Variants in TTC34 observed in about 807,000 individuals in gnomAD.
TTC34 encodes tetratricopeptide repeat domain 34, also known as tetratricopeptide repeat protein 34.
TTC34 carries 44 observed loss-of-function variants against 40.7 expected under a neutral mutation model. The ratio of observed to expected loss-of-function variants is 1.08; its 90% CI spans 0.85 to 1.39. TTC34 has a LOEUF of 1.39. Among genes scored for constraint, TTC34 ranks in the 40% most tolerant of loss-of-function variants. The pLI, the probability that TTC34 is intolerant of heterozygous loss-of-function variation, is 0.00. For synonymous variants in TTC34, 422 were observed against 398.6 expected (o/e 1.06, Z -0.70); for missense variants, 884 against 838.0 (o/e 1.05, Z -0.68).
chr1:2,684,912 C>A (rs1224155612), intron 6 of TTC34, among the ~76,000 whole-genome samples: 2 of 125,364 alleles, frequency 1.6e-5, no homozygotes, highest in Non-Finnish European at 3.3e-5. Flanking sequence ...GAACAGCACC[C>A]TGCACACCCA....
At chr1:2,749,088 G>T (rs1641235655) in intron 6 of TTC34, among the ~76,000 whole-genome samples, 1 of 147,074 alleles carries the variant, frequency 6.8e-6, no homozygotes, top group African/African-American at 2.5e-5. Context: ...ACAACCCCAG[G>T]CGAGCATCCG....
At chr1:2,789,926 C>T (rs1449738529) in exon 3 of TTC34, 2 of 394,672 alleles carry the variant, frequency 5.1e-6, no homozygotes, top group Non-Finnish European at 8.9e-6. Flanking sequence ...GTCCTCAGGG[C>T]GTGCGGGCCG....
chr1:2,759,577 C>A (rs1641623457), intron 6 of TTC34, among the ~76,000 whole-genome samples: 4 of 151,954 alleles, frequency 2.6e-5, no homozygotes, highest in African/African-American at 7.3e-5. Flanking sequence ...GAGCATCGGA[C>A]AGCCTGGAAC....
rs1374306897 is a variant in TTC34, at chr1:2,746,355, C to T, written c.2226+37254G>A. Among the ~76,000 whole-genome samples, 8 of 44,504 alleles carry T rather than the reference C, an allele frequency of 1.8e-4. No individual in the cohort carries two copies. In the East Asian group the frequency reaches 4.5e-3, roughly 25 times the overall value. The allele number at this position is 44,504 out of a possible 152,430, so 29.2% of individuals were successfully genotyped here. On this transcript the variant is annotated intron_variant, in intron 6 of 8. Transcript: ENST00000401095. ...CCCACGGAGCAGCACCCACACCTTC[C>T]GGCGAGCATCCGACAGCCTGGAGCA...
intron 6 of TTC34, among the ~76,000 whole-genome samples, chr1:2,751,253 G>GT (rs2100430647): frequency 2.3e-5 from 1 of 43,566 alleles, no homozygotes; most frequent in African/African-American, 9.7e-5. Flanking sequence ...CACACCCCCA[G>GT]TGAGCATCCG....
chr1:2,750,396 C>A (rs1401192276), intron 6 of TTC34, among the ~76,000 whole-genome samples: 11 of 94,098 alleles, frequency 1.2e-4, no homozygotes, highest in East Asian at 4.6e-4. Flanking sequence ...CCTGGAACAG[C>A]ACGCACACCC....
At chr1:2,686,836 C>T (rs1640380478) in intron 6 of TTC34, among the ~76,000 whole-genome samples, 2 of 8,710 alleles carry the variant, frequency 2.3e-4, no homozygotes, top group Non-Finnish European at 2.0e-4. Context: ...TGGAGCAGCA[C>T]CCCACACCCC....
intron 2 of TTC34, among the ~76,000 whole-genome samples, chr1:2,798,467 C>G (rs1181879950): frequency 9.0e-6 from 1 of 111,340 alleles, no homozygotes; most frequent in Non-Finnish European, 1.9e-5. Context: ...CCCAGCCTCC[C>G]AGCCTCTCAG....
intron 2 of TTC34, among the ~76,000 whole-genome samples, chr1:2,790,553 G>A (rs976843603): frequency 3.3e-5 from 5 of 152,200 alleles, no homozygotes; most frequent in Admixed American, 6.5e-5. Flanking sequence ...ATGAGCGACG[G>A]GGCAGGTTGA....
At chr1:2,641,627 G>GCCT (rs1444633810) in exon 9 of TTC34, 16 of 1,534,694 alleles carry the variant, frequency 1.0e-5, no homozygotes, top group Admixed American at 2.0e-5. Context: ...TGCGGCCGCC[G>GCCT]CCTCATCCCC....
At chr1:2,794,705 C>A (rs1464526486) in intron 2 of TTC34, among the ~76,000 whole-genome samples, 2 of 152,120 alleles carry the variant, frequency 1.3e-5, no homozygotes, top group African/African-American at 4.8e-5. Context: ...TCTGAATTGT[C>A]ACCATTGAGT....
At chr1:2,684,652 C>G (rs865828616) in intron 6 of TTC34, among the ~76,000 whole-genome samples, 3 of 64,914 alleles carry the variant, frequency 4.6e-5, no homozygotes, top group Middle Eastern at 0.021. Context: ...GGTGAGCATC[C>G]GACAGCCTGG....
intron 6 of TTC34, among the ~76,000 whole-genome samples, chr1:2,691,181 T>C (rs796912386): frequency 3.4e-3 from 65 of 19,132 alleles, no homozygotes; most frequent in African/African-American, 3.6e-3. Context: ...GCACCCTGCT[T>C]CCCCAGGTGA....
chr1:2,686,971 C>CGCGTGTGATGGTCCG (rs1640388529), intron 6 of TTC34, among the ~76,000 whole-genome samples: 7 of 126,664 alleles, frequency 5.5e-5, no homozygotes, highest in South Asian at 2.7e-4. Context: ...CACTGCCAGG[C>CGCGTGTGATGGTCCG]GAGCATCCGC....
At chr1:2,755,579 A>T (rs1641476589) in intron 6 of TTC34, among the ~76,000 whole-genome samples, 1 of 114,774 alleles carries the variant, frequency 8.7e-6, no homozygotes, top group African/African-American at 4.1e-5. Context: ...AGCAGCACCC[A>T]CACCTCCCGG....
chr1:2,759,711 A>T (rs1641631208), intron 6 of TTC34, among the ~76,000 whole-genome samples: 1 of 100,128 alleles, frequency 1.0e-5, no homozygotes, highest in Non-Finnish European at 1.9e-5. Context: ...CTGGAGCAGG[A>T]CCCACACCCC....
intron 3 of TTC34, 123 bp downstream of exon 3, chr1:2,789,380 T>C: frequency 1.0e-6 from 1 of 993,208 alleles, no homozygotes; most frequent in Non-Finnish European, 1.4e-6. Context: ...TCGGGTGCTT[T>C]GGGAAGTCAC....
intron 6 of TTC34, among the ~76,000 whole-genome samples, chr1:2,653,533 A>AGGT (rs1639224875): frequency 6.6e-6 from 1 of 151,814 alleles, no homozygotes; most frequent in Non-Finnish European, 1.5e-5. Context: ...CCACACCCCC[A>AGGT]GGTGAGTATC....
intron 6 of TTC34, among the ~76,000 whole-genome samples, chr1:2,693,654 G>A (rs1303550595): frequency 5.8e-5 from 3 of 51,564 alleles, no homozygotes; most frequent in African/African-American, 7.3e-5. Context: ...ACAGCCTGGA[G>A]CAGTGCCCAC....
Sources: allele counts gnomAD v4.1 joint callset (sites outside exome capture counted in the v4.1 genomes callset), GRCh38; gene constraint gnomAD v4.1.1; transcripts MANE v1.5; gene names NCBI Gene and HGNC (gene_info 2026-07-23, HGNC 2026-07-21).